Variants in CNBD1 observed in about 807,000 individuals in gnomAD.
The protein encoded by CNBD1 is cyclic nucleotide-binding domain-containing protein 1.
In CNBD1, 71 loss-of-function variants were observed where a neutral mutation model predicts 54.4. The observed-to-expected ratio is 1.30, with a 90% CI of 1.08 to 1.59. CNBD1 has a LOEUF of 1.59. Ranked by LOEUF, CNBD1 falls within the 40% of genes most tolerant of loss-of-function variation. The probability of loss-of-function intolerance (pLI) is 0.00; values close to 1 mark genes in which losing one functional copy is unlikely to be tolerated. For synonymous variants in CNBD1, 182 were observed against 170.7 expected (o/e 1.07, Z -0.51); for missense variants, 659 against 518.0 (o/e 1.27, Z -2.64).
At chr8:87,009,525 CTCCTGACCT>C (rs1443176006) in intron 4 of CNBD1, among the ~76,000 whole-genome samples, 3 of 152,102 alleles carry the variant, frequency 2.0e-5, no homozygotes. Context: ...TGGTCTCAAT[CTCCTGACCT>C]CATGATCTGC....
chr8:86,899,999 C>T (rs1012235400), intron 2 of CNBD1, among the ~76,000 whole-genome samples: 1 of 152,076 alleles, frequency 6.6e-6, no homozygotes, highest in African/African-American at 2.4e-5. Context: ...CTCAAGTATC[C>T]ACTCACTTTC....
intron 4 of CNBD1, among the ~76,000 whole-genome samples, chr8:87,022,212 G>A (rs1809504271): frequency 1.3e-5 from 2 of 152,210 alleles, no homozygotes. Context: ...CAGCGGAGAA[G>A]GGAATGTCTG....
chr8:87,421,334 T>G, intron 2 of CNBD1, among the ~76,000 whole-genome samples: 1 of 151,874 alleles, frequency 6.6e-6, no homozygotes, highest in Non-Finnish European at 1.5e-5. Context: ...GCAGGTTAGT[T>G]ACATAGGTAT....
chr8:87,110,101 C>T (rs1485169431), intron 4 of CNBD1, among the ~76,000 whole-genome samples: 5 of 152,152 alleles, frequency 3.3e-5, no homozygotes, highest in African/African-American at 1.2e-4. Context: ...ACCTGATGGA[C>T]TGAAGCTCAG....
chr8:87,292,735 T>A (rs528178157), intron 8 of CNBD1, among the ~76,000 whole-genome samples: 102 of 152,188 alleles, frequency 6.7e-4, no homozygotes, highest in Non-Finnish European at 1.0e-3. Flanking sequence ...GTGGCCTCCA[T>A]TCTGCCCAGT....
At chr8:86,888,068 C>A (rs942295702) in intron 2 of CNBD1, among the ~76,000 whole-genome samples, 3 of 152,120 alleles carry the variant, frequency 2.0e-5, no homozygotes, top group Non-Finnish European at 1.5e-5. Flanking sequence ...CTTGACAACT[C>A]CTTTCTCCAA....
intron 4 of CNBD1, among the ~76,000 whole-genome samples, chr8:87,148,047 T>A (rs1335824722): frequency 6.6e-6 from 1 of 152,170 alleles, no homozygotes; most frequent in Non-Finnish European, 1.5e-5. Context: ...GTGTATGTAT[T>A]GAAGAAAATA....
At chr8:86,945,797 T>G (rs1807451118) in intron 4 of CNBD1, among the ~76,000 whole-genome samples, 1 of 152,188 alleles carries the variant, frequency 6.6e-6, no homozygotes, top group African/African-American at 2.4e-5. Flanking sequence ...TTAAAATGAG[T>G]TAGCAAAGGA....
chr8:87,390,411 C>T (rs1444073678), intron 2 of CNBD1, among the ~76,000 whole-genome samples: 1 of 150,226 alleles, frequency 6.7e-6, no homozygotes, highest in Non-Finnish European at 1.5e-5. Context: ...AGAAAAAACC[C>T]CATCAAAAAG....
At chr8:87,009,704 G>C (rs942687773) in intron 4 of CNBD1, among the ~76,000 whole-genome samples, 1 of 152,090 alleles carries the variant, frequency 6.6e-6, no homozygotes, top group African/African-American at 2.4e-5. Flanking sequence ...GCATTTCTAT[G>C]ACTTAATATG....
chr8:87,379,970 A>C (rs1043787375), intron 10 of CNBD1, among the ~76,000 whole-genome samples: 31 of 148,548 alleles, frequency 2.1e-4, no homozygotes, highest in African/African-American at 7.8e-4. Flanking sequence ...CCAAGTGGTA[A>C]AATCTAGATT....
intron 4 of CNBD1, among the ~76,000 whole-genome samples, chr8:87,115,372 G>A (rs779474509): frequency 1.3e-5 from 2 of 152,074 alleles, no homozygotes; most frequent in Non-Finnish European, 2.9e-5. Context: ...TCCATTTGTT[G>A]TGTAGATTAA....
At chr8:86,885,496 C>T (rs7831906) in intron 1 of CNBD1, among the ~76,000 whole-genome samples, 72,715 of 151,880 alleles carry the variant, frequency 0.48, 17,617 homozygotes, top group East Asian at 0.55. Flanking sequence ...TAAGGCAAAT[C>T]CATCAGGAAA....
intron 2 of CNBD1, among the ~76,000 whole-genome samples, chr8:87,411,108 G>T (rs1343192267): frequency 6.6e-6 from 1 of 151,750 alleles, no homozygotes; most frequent in African/African-American, 2.4e-5. Context: ...AACAAAACCA[G>T]CAATAACTCC....
intron 4 of CNBD1, among the ~76,000 whole-genome samples, chr8:86,943,682 A>G (rs933863139): frequency 6.6e-6 from 1 of 152,092 alleles, no homozygotes; most frequent in African/African-American, 2.4e-5. Flanking sequence ...GAGAGTTGGG[A>G]GGCCCCTTTT....
intron 4 of CNBD1, among the ~76,000 whole-genome samples, chr8:86,974,021 T>TA (rs1808284166): frequency 6.6e-6 from 1 of 152,122 alleles, no homozygotes; most frequent in South Asian, 2.1e-4. Context: ...GGATTTTTTT[T>TA]ACAATGGAAA....
At chr8:86,915,069 A>G (rs1281458622) in intron 3 of CNBD1, among the ~76,000 whole-genome samples, 6 of 151,958 alleles carry the variant, frequency 3.9e-5, no homozygotes, top group Non-Finnish European at 4.4e-5. Flanking sequence ...TTTCTCAGAG[A>G]ATTTGGGGGC....
At position 87,347,477 on chromosome 8, in the gene CNBD1, TAAAC is replaced by T. The variant is rs938644505; in HGVS notation, c.1043-4204_1043-4201del. Among the ~76,000 whole-genome samples the T allele has an allele frequency of 6.9e-4, 103 of 148,540 alleles. 1 individual carries two copies. The highest frequency in any genetic ancestry group is 2.5e-3 in the African/African-American group (96 of 38,316). ...TATAATATACAATAAGTATAAGCAA[TAAAC>T]AAATCAATAACTTATACAATAAGTA... On this transcript the variant is annotated intron_variant, in intron 8 of 10. Coordinates refer to ENST00000518476, the MANE Select transcript of CNBD1 (RefSeq NM_173538.3).
intron 2 of CNBD1, among the ~76,000 whole-genome samples, chr8:86,898,301 A>G (rs961814323): frequency 3.9e-5 from 6 of 152,060 alleles, no homozygotes; most frequent in African/African-American, 1.4e-4. Context: ...GATGGTCAGA[A>G]TAGTGGTCAA....
Sources: allele counts gnomAD v4.1 joint callset (sites outside exome capture counted in the v4.1 genomes callset), GRCh38; gene constraint gnomAD v4.1.1; transcripts MANE v1.5; gene names NCBI Gene and HGNC (gene_info 2026-07-23, HGNC 2026-07-21).